The following LARGE1 variants were observed in gnomAD, a reference collection of about 807,000 sequenced individuals.
The protein encoded by LARGE1 is xylosyl- and glucuronyltransferase LARGE1.
LARGE1 carries 43 observed loss-of-function variants against 87.6 expected under a neutral mutation model. The ratio of observed to expected loss-of-function variants is 0.49; its 90% confidence interval spans 0.38 to 0.63. The LOEUF (loss-of-function observed/expected upper bound fraction) is 0.63, where lower values mean the gene tolerates loss of function less well. Ranked by LOEUF, LARGE1 falls within the 30% of genes least tolerant of loss-of-function variation. LARGE1 has a pLI of 0.00. For synonymous variants in LARGE1, 434 were observed against 394.6 expected, an observed-to-expected ratio of 1.10 and a Z score of -1.18; for missense variants, 802 against 1,000.2, an observed-to-expected ratio of 0.80 and a Z score of 2.67.
chr22:33,715,551 G>A (rs1421837380), intron 2 of LARGE1, among the ~76,000 whole-genome samples: 1 of 152,130 alleles, frequency 6.6e-6, no homozygotes, highest in East Asian at 1.9e-4. Context: ...CCCTAGTACT[G>A]TCTACAGCAG....
At chr22:33,541,078 G>GGGTGGGGGGGGT (rs1569252354) in intron 6 of LARGE1, among the ~76,000 whole-genome samples, 1 of 62,202 alleles carries the variant, frequency 1.6e-5, no homozygotes, top group African/African-American at 5.3e-5. Flanking sequence ...CGGGGGGCGG[G>GGGTGGGGGGGGT]TTGCAGGGGG....
intron 2 of LARGE1, among the ~76,000 whole-genome samples, chr22:33,740,830 G>A (rs1416303824): frequency 2.0e-5 from 3 of 152,130 alleles, no homozygotes; most frequent in South Asian, 2.1e-4. Flanking sequence ...GCCCTCCCCC[G>A]CCACCGCCAT....
At chr22:33,119,561 C>CT in the LARGE1 span, among the ~76,000 whole-genome samples, 1,245 of 149,436 alleles carry the variant, frequency 8.3e-3, 17 homozygotes, top group African/African-American at 0.028. Flanking sequence ...GCCCTGATGA[C>CT]TTTTTTTTTT....
intron 12 of LARGE1, among the ~76,000 whole-genome samples, chr22:33,291,984 C>T (rs751597930): frequency 4.6e-5 from 7 of 152,132 alleles, no homozygotes; most frequent in Admixed American, 2.0e-4. Flanking sequence ...ATCTCAGCTA[C>T]GCAGGAGGCT....
At chr22:33,916,444 G>A (rs1243533632) in intron 1 of LARGE1, among the ~76,000 whole-genome samples, 1 of 152,164 alleles carries the variant, frequency 6.6e-6, no homozygotes, top group Non-Finnish European at 1.5e-5. Flanking sequence ...AAGATGAAAA[G>A]TCTTATAAAA....
At chr22:33,247,198 T>TA (rs35204580) in intron 11 of LARGE1, among the ~76,000 whole-genome samples, 4 of 152,072 alleles carry the variant, frequency 2.6e-5, no homozygotes, top group African/African-American at 4.8e-5. Flanking sequence ...TGTTCTTTTT[T>TA]AAAAAAAGTG....
intron 1 of LARGE1, among the ~76,000 whole-genome samples, chr22:33,779,990 C>G (rs934987296): frequency 2.2e-5 from 3 of 135,772 alleles, no homozygotes; most frequent in Non-Finnish European, 3.4e-5. Context: ...GTTCTGTGGG[C>G]TAGAAGTTCA....
intron 6 of LARGE1, among the ~76,000 whole-genome samples, chr22:33,467,833 C>T (rs1329464509): frequency 6.6e-6 from 1 of 152,148 alleles, no homozygotes; most frequent in Admixed American, 6.5e-5. Flanking sequence ...GGTTTTTGTC[C>T]ATGTTACCAA....
At chr22:33,368,491 GCCACTGCA>G (rs1261901414) in intron 9 of LARGE1, among the ~76,000 whole-genome samples, 1 of 139,596 alleles carries the variant, frequency 7.2e-6, no homozygotes, top group Non-Finnish European at 1.5e-5. Flanking sequence ...CTGAGATCAT[GCCACTGCA>G]CCACAGCCTG....
Position 33,219,494 on chromosome 22 carries a change from G to A in LARGE1, c.1731-52662C>T, listed in dbSNP as rs546366288. Reference sequence around the variant, plus strand: ...AATATTGAGAAACTTTTCTATGAATGATATTGTCTCCTTCCTAATATTCAG... The same window carrying A: ...AATATTGAGAAACTTTTCTATGAATAATATTGTCTCCTTCCTAATATTCAG... On this transcript the variant is annotated intron_variant, in intron 11 of 11. Coordinates refer to the LARGE1 transcript ENST00000608642. Among the ~76,000 whole-genome samples, 92 of 152,322 alleles carry A rather than the reference G, an allele frequency of 6.0e-4. 1 individual carries two copies. Among genetic ancestry groups the A allele is most frequent in the African/African-American group, 2.2e-3 (90 of 41,582 alleles).
intron 11 of LARGE1, among the ~76,000 whole-genome samples, chr22:33,239,693 C>T (rs137479): frequency 0.086 from 13,018 of 151,680 alleles, 807 homozygotes; most frequent in African/African-American, 0.17. Flanking sequence ...TGCATGACAC[C>T]GCACCTGGCT....
intron 1 of LARGE1, among the ~76,000 whole-genome samples, chr22:33,901,757 A>G (rs376351320): frequency 3.3e-5 from 5 of 152,252 alleles, no homozygotes; most frequent in South Asian, 4.1e-4. Flanking sequence ...GTGATGATAC[A>G]TGGATGACTT....
intron 7 of LARGE1, among the ~76,000 whole-genome samples, chr22:33,424,106 T>C (rs2066790080): frequency 6.6e-6 from 1 of 152,090 alleles, no homozygotes; most frequent in Non-Finnish European, 1.5e-5. Flanking sequence ...CGGAATCAAG[T>C]AGGGAGCATG....
chr22:33,638,301 C>A, intron 3 of LARGE1, among the ~76,000 whole-genome samples: 1 of 152,196 alleles, frequency 6.6e-6, no homozygotes, highest in East Asian at 1.9e-4. Context: ...TTGCCTCCAG[C>A]AAAATGCAAA....
chr22:33,586,567 C>T (rs1339445473), intron 5 of LARGE1, among the ~76,000 whole-genome samples: 6 of 151,960 alleles, frequency 3.9e-5, no homozygotes, highest in Non-Finnish European at 8.8e-5. Flanking sequence ...ACGCCATTCT[C>T]CTGCCTCAGC....
intron 1 of LARGE1, among the ~76,000 whole-genome samples, chr22:33,875,955 G>A (rs2064452163): frequency 6.6e-6 from 1 of 152,150 alleles, no homozygotes; most frequent in African/African-American, 2.4e-5. Context: ...CTCCTCCACA[G>A]TTTTCCAGCA....
intron 2 of LARGE1, among the ~76,000 whole-genome samples, chr22:33,660,951 G>T (rs1419849294): frequency 2.0e-5 from 3 of 151,936 alleles, no homozygotes; most frequent in Non-Finnish European, 4.4e-5. Flanking sequence ...TGTTCCAAGA[G>T]TGAGGCGAAT....
chr22:33,089,392 T>A, the LARGE1 span, among the ~76,000 whole-genome samples: 1 of 136,426 alleles, frequency 7.3e-6, no homozygotes, highest in Non-Finnish European at 1.6e-5. Context: ...TTCTTCCTCT[T>A]CTTCTTCTTT....
chr22:33,516,896 T>C (rs2071333022), intron 6 of LARGE1, among the ~76,000 whole-genome samples: 1 of 152,178 alleles, frequency 6.6e-6, no homozygotes, highest in Admixed American at 6.5e-5. Context: ...CTTCCTCCTA[T>C]TTAAGCACCT....
Sources: allele counts gnomAD v4.1 joint callset (sites outside exome capture counted in the v4.1 genomes callset), GRCh38; gene constraint gnomAD v4.1.1; transcripts MANE v1.5; gene names NCBI Gene and HGNC (gene_info 2026-07-23, HGNC 2026-07-21).